CADM1: variants seen among roughly 807,000 people sequenced by gnomAD.
The protein encoded by CADM1 is cell adhesion molecule 1.
A neutral mutation model predicts 53.1 loss-of-function variants in CADM1; 15 were observed. The ratio of observed to expected loss-of-function variants is 0.28; its 90% confidence interval spans 0.19 to 0.44. The LOEUF (loss-of-function observed/expected upper bound fraction) is 0.44. Among genes scored for constraint, CADM1 ranks in the 20% least tolerant of loss-of-function variants. The pLI, the probability that CADM1 is intolerant of heterozygous loss-of-function variation, is 1.00. For synonymous variants in CADM1, 281 were observed against 243.0 expected (o/e 1.16, Z -1.45); for missense variants, 434 against 611.3 (o/e 0.71, Z 3.06).
chr11:115,433,856 G>C (rs1208980462), intron 1 of CADM1, among the ~76,000 whole-genome samples: 1 of 152,292 alleles, frequency 6.6e-6, no homozygotes, highest in East Asian at 1.9e-4. Flanking sequence ...TTGTTCTCTT[G>C]TGAGCCTTGG....
chr11:115,355,018 T>C (rs954958148), intron 1 of CADM1, among the ~76,000 whole-genome samples: 3 of 152,176 alleles, frequency 2.0e-5, no homozygotes, highest in Non-Finnish European at 4.4e-5. Context: ...CTCCTCTACA[T>C]CTTGTAGAAG....
chr11:115,325,999 A>C (rs1944950263), intron 1 of CADM1, among the ~76,000 whole-genome samples: 1 of 152,190 alleles, frequency 6.6e-6, no homozygotes, highest in South Asian at 2.1e-4. Flanking sequence ...CAAGGGTTAC[A>C]TTTAAAATAA....
In CADM1 at chr11:115,196,802, A is replaced by C. The variant is rs563047736; in HGVS notation, c.1111+1604T>G. ...TCTTAAAAAGAAACTTAAGTATCTT[A>C]AAAAGAATAGAATAAAATCTCTCTA... On this transcript the variant is annotated intron_variant, in intron 9 of 11. Transcript: ENST00000331581. 2.6e-5 allele frequency among the ~76,000 whole-genome samples: 4 copies of C among 152,242 alleles called. No individual in the cohort carries two copies. The East Asian group carries it at 7.7e-4, about 29-fold the overall frequency.
intron 1 of CADM1, among the ~76,000 whole-genome samples, chr11:115,303,579 G>C (rs1486354516): frequency 6.6e-6 from 1 of 152,004 alleles, no homozygotes; most frequent in East Asian, 1.9e-4. Flanking sequence ...TAGGTCATTA[G>C]TGCAAACTAA....
chr11:115,324,164 A>C (rs1944898499), intron 1 of CADM1, among the ~76,000 whole-genome samples: 1 of 152,184 alleles, frequency 6.6e-6, no homozygotes, highest in Admixed American at 6.5e-5. Context: ...TATAGTTATG[A>C]GATGCTAATG....
At chr11:115,429,590 A>G (rs956374104) in intron 1 of CADM1, among the ~76,000 whole-genome samples, 7 of 113,774 alleles carry the variant, frequency 6.2e-5, no homozygotes, top group African/African-American at 2.0e-4. Flanking sequence ...CAAGAGCAGA[A>G]AAAAAAAAAA....
intron 6 of CADM1, among the ~76,000 whole-genome samples, chr11:115,217,348 A>C (rs79228469): frequency 0.036 from 5,459 of 152,290 alleles, 237 homozygotes; most frequent in Admixed American, 0.12. Context: ...TGGCATATAT[A>C]TCCTCCTTAA....
intron 1 of CADM1, among the ~76,000 whole-genome samples, chr11:115,367,747 T>C (rs1946201887): frequency 2.0e-5 from 3 of 152,024 alleles, no homozygotes. Flanking sequence ...ATCAATTCTC[T>C]GGAAATGCTT....
intron 8 of CADM1, among the ~76,000 whole-genome samples, chr11:115,202,851 G>GT (rs201336245): frequency 0.12 from 17,803 of 145,192 alleles, 1,646 homozygotes; most frequent in East Asian, 0.31. Context: ...TATATGGTGG[G>GT]TTTTTTTTTT....
At chr11:115,362,385 T>C (rs142573547) in intron 1 of CADM1, among the ~76,000 whole-genome samples, 202 of 152,340 alleles carry the variant, frequency 1.3e-3, no homozygotes, top group African/African-American at 4.5e-3. Context: ...ACTGACAGTT[T>C]GTATTTTACT....
At chr11:115,183,108 A>G (rs1939388433) in intron 10 of CADM1, among the ~76,000 whole-genome samples, 1 of 152,168 alleles carries the variant, frequency 6.6e-6, no homozygotes, top group South Asian at 2.1e-4. Context: ...CTCATGGGCA[A>G]TAAGAAGGGG....
chr11:115,393,066 CAAAA>C (rs758785520), intron 1 of CADM1, among the ~76,000 whole-genome samples: 17 of 50,238 alleles, frequency 3.4e-4, no homozygotes, highest in African/African-American at 3.7e-4. Context: ...CCATCTCTTC[CAAAA>C]AAAAAAAAAA....
chr11:115,381,335 C>T (rs75458586), intron 1 of CADM1, among the ~76,000 whole-genome samples: 4,058 of 151,592 alleles, frequency 0.027, 81 homozygotes, highest in Middle Eastern at 0.048. Flanking sequence ...ACTTTCAAGA[C>T]TGTGCAAAAT....
chr11:115,281,721 AATAC>A (rs1943589725), intron 1 of CADM1, among the ~76,000 whole-genome samples: 1 of 152,236 alleles, frequency 6.6e-6, no homozygotes, highest in Non-Finnish European at 1.5e-5. Context: ...CTTAAGTGGA[AATAC>A]ATGAGCTGTC....
rs1409023341 is a variant in CADM1 at position 115,170,202 on chromosome 11, C to T, written c.*6272G>A. ...CTGGAGGGCAGCTGAAGTCCCGGGC[C>T]CAGAGAACCGGTTGATTTGCCCCTC... On this transcript the variant is annotated 3_prime_UTR_variant, in exon 12 of 12. Coordinates refer to ENST00000331581, the MANE Select transcript of CADM1 (RefSeq NM_001301043.2). The T allele has an allele frequency of 1.3e-5, 2 of 153,236 alleles. No homozygotes were observed. The highest frequency in any genetic ancestry group is 2.9e-5 in the Non-Finnish European group (2 of 68,768). The allele number at this position is 153,236 out of a possible 1,614,324, so 9.5% of individuals were successfully genotyped here.
At chr11:115,248,048 C>T (rs1038876946) in intron 1 of CADM1, among the ~76,000 whole-genome samples, 2 of 152,222 alleles carry the variant, frequency 1.3e-5, no homozygotes, top group Non-Finnish European at 2.9e-5. Flanking sequence ...GAATGATCTC[C>T]TACACCATGC....
chr11:115,474,703 T>TG (rs1298172835), intron 1 of CADM1, among the ~76,000 whole-genome samples: 1 of 56,190 alleles, frequency 1.8e-5, no homozygotes, highest in Non-Finnish European at 3.3e-5. Flanking sequence ...AGTCGTGGGG[T>TG]GGGGGGAGGG....
intron 8 of CADM1, among the ~76,000 whole-genome samples, chr11:115,206,758 C>CTTCTTTTTTTTTTTTTTT (rs1940706440): frequency 7.9e-5 from 3 of 38,206 alleles, no homozygotes; most frequent in African/African-American, 2.9e-4. Flanking sequence ...CTGTGGACTT[C>CTTCTTTTTTTTTTTTTTT]TTTTTTTTTT....
At chr11:115,393,066 CAAAAAAAA>C (rs758785520) in intron 1 of CADM1, among the ~76,000 whole-genome samples, 12 of 50,218 alleles carry the variant, frequency 2.4e-4, no homozygotes, top group African/African-American at 3.7e-4. Flanking sequence ...CCATCTCTTC[CAAAAAAAA>C]AAAAAAAAAA....
Sources: gnomAD v4.1 joint callset for allele counts (sites outside exome capture counted in the v4.1 genomes callset) on GRCh38, gnomAD v4.1.1 for gene constraint, MANE v1.5 for transcripts, NCBI Gene and HGNC (gene_info 2026-07-23, HGNC 2026-07-21) for gene names.